The following CYP19A1 variants were observed in gnomAD, a reference collection of about 807,000 sequenced individuals.
CYP19A1 encodes the protein cytochrome P450 family 19 subfamily A member 1.
A neutral mutation model predicts 44.4 loss-of-function variants in CYP19A1; 32 were observed. The ratio of observed to expected loss-of-function variants is 0.72; its 90% CI spans 0.54 to 0.97. CYP19A1 has a LOEUF of 0.97. CYP19A1 is among the 50% of genes least tolerant of loss of function. The probability of loss-of-function intolerance (pLI) is 0.00; values close to 1 mark genes in which losing one functional copy is unlikely to be tolerated. For missense variants in CYP19A1, 598 were observed against 637.8 expected (o/e 0.94, Z 0.67); for synonymous variants, 212 against 215.6 (o/e 0.98, Z 0.14).
chr15:51,237,866 T>C (rs1043593083), intron 2 of CYP19A1, among the ~76,000 whole-genome samples: 1 of 152,262 alleles, frequency 6.6e-6, no homozygotes, highest in East Asian at 1.9e-4. Flanking sequence ...TAAAAAGTTT[T>C]AGAATGTTTT....
In CYP19A1 at chr15:51,330,366, G is replaced by A. The variant is rs186709394; in HGVS notation, c.-39+8129C>T. On this transcript the variant is annotated intron_variant, in intron 1 of 9. Transcript: ENST00000396402. ...AGAAAGGAAGAGGAGGAGAGAAGGGGCATAAGAAATGTCAAGTGAGGAAAG... is the reference window on the plus strand; with the variant it reads ...AGAAAGGAAGAGGAGGAGAGAAGGGACATAAGAAATGTCAAGTGAGGAAAG... Among the ~76,000 whole-genome samples the A allele has an allele frequency of 1.4e-3, 214 of 152,108 alleles. 2 individuals are homozygous for A. Among genetic ancestry groups the A allele is most frequent in the African/African-American group, 4.7e-3 (195 of 41,486 alleles).
chr15:51,287,323 C>A (rs1291540528), intron 1 of CYP19A1, among the ~76,000 whole-genome samples: 2 of 152,176 alleles, frequency 1.3e-5, no homozygotes, highest in Non-Finnish European at 2.9e-5. Context: ...GCGGGGTTCA[C>A]CCTATTGTCT....
intron 6 of CYP19A1, 44 bp downstream of exon 6, chr15:51,218,497 C>T (rs59196885): frequency 1.3e-6 from 2 of 1,577,742 alleles, no homozygotes; most frequent in Non-Finnish European, 8.6e-7. Context: ...GGAAAAAAAC[C>T]AATCCAATTG....
At chr15:51,220,945 T>G (rs1323866086) in intron 5 of CYP19A1, among the ~76,000 whole-genome samples, 1 of 151,912 alleles carries the variant, frequency 6.6e-6, no homozygotes, top group Non-Finnish European at 1.5e-5. Context: ...TAATGTTTGT[T>G]TTTTGGTGGT....
chr15:51,233,665 T>C (rs779244458), intron 3 of CYP19A1, among the ~76,000 whole-genome samples: 9 of 152,232 alleles, frequency 5.9e-5, no homozygotes, highest in Non-Finnish European at 8.8e-5. Context: ...AATATAACCC[T>C]AATTAGTATG....
intron 3 of CYP19A1, among the ~76,000 whole-genome samples, chr15:51,229,487 T>C (rs1161247953): frequency 1.3e-5 from 2 of 151,928 alleles, no homozygotes; most frequent in Non-Finnish European, 2.9e-5. Flanking sequence ...TATTAAATAT[T>C]CTCTTGATCT....
intron 2 of CYP19A1, among the ~76,000 whole-genome samples, 161 bp downstream of exon 2, chr15:51,242,607 C>T (rs1358102137): frequency 6.6e-6 from 1 of 152,120 alleles, no homozygotes; most frequent in Admixed American, 6.5e-5. Context: ...GATAATTGGT[C>T]TGAAAATTTT....
At chr15:51,235,122 TAA>T (rs2033305632) in intron 3 of CYP19A1, among the ~76,000 whole-genome samples, 1 of 152,198 alleles carries the variant, frequency 6.6e-6, no homozygotes, top group Non-Finnish European at 1.5e-5. Context: ...TAGCCAGTTG[TAA>T]AAGTGACTCA....
At chr15:51,325,895 T>C (rs1350864623) in intron 1 of CYP19A1, among the ~76,000 whole-genome samples, 1 of 139,046 alleles carries the variant, frequency 7.2e-6, no homozygotes, top group East Asian at 2.2e-4. Flanking sequence ...CTACCAAATA[T>C]CATAGCTTAG....
chr15:51,319,848 A>G (rs1054946418), intron 1 of CYP19A1, among the ~76,000 whole-genome samples: 19 of 151,676 alleles, frequency 1.3e-4, no homozygotes, highest in African/African-American at 3.9e-4. Flanking sequence ...GGTGATCTCT[A>G]TCAGGTCATT....
At chr15:51,270,064 G>A (rs927941520) in intron 1 of CYP19A1, among the ~76,000 whole-genome samples, 3 of 152,236 alleles carry the variant, frequency 2.0e-5, no homozygotes, top group South Asian at 2.1e-4. Flanking sequence ...AATTATCCAC[G>A]AACGTGATAT....
chr15:51,331,907 T>C (rs573508335), intron 1 of CYP19A1, among the ~76,000 whole-genome samples: 1 of 152,016 alleles, frequency 6.6e-6, no homozygotes, highest in East Asian at 1.9e-4. Context: ...TGTTTATTTC[T>C]TGTATGTGTG....
At chr15:51,327,637 G>A (rs553863160) in intron 1 of CYP19A1, among the ~76,000 whole-genome samples, 201 of 152,216 alleles carry the variant, frequency 1.3e-3, no homozygotes, top group African/African-American at 4.6e-3. Flanking sequence ...GTCCCTTGGG[G>A]CCAGGCTCAG....
chr15:51,267,332 C>T (rs1462317467), intron 1 of CYP19A1, among the ~76,000 whole-genome samples: 1 of 152,136 alleles, frequency 6.6e-6, no homozygotes, highest in Non-Finnish European at 1.5e-5. Context: ...AAAATAAAAA[C>T]GCGGGGCCCC....
chr15:51,257,356 G>T lies in CYP19A1; in HGVS notation c.-38-14406C>A, dbSNP rs142498277. On this transcript the variant is annotated intron_variant, in intron 1 of 9. Coordinates refer to ENST00000396402, the MANE Select transcript of CYP19A1 (RefSeq NM_000103.4). ...CCCCAATTCGCTACACTTCTGGGTT[G>T]GAAGTAATAGCAGGCCTAGGTAGGC... 1.7e-3 allele frequency among the ~76,000 whole-genome samples: 255 copies of T among 152,318 alleles called. 2 individuals are homozygous for T. Among genetic ancestry groups the T allele is most frequent in the Non-Finnish European group, 2.2e-3 (150 of 68,028 alleles).
chr15:51,252,608 G>T (rs1341776561), intron 1 of CYP19A1, among the ~76,000 whole-genome samples: 1 of 152,166 alleles, frequency 6.6e-6, no homozygotes, highest in African/African-American at 2.4e-5. Context: ...CCATCTGTGG[G>T]CCCTCAGACT....
intron 1 of CYP19A1, among the ~76,000 whole-genome samples, chr15:51,311,430 A>T (rs2036308422): frequency 6.6e-6 from 1 of 152,040 alleles, no homozygotes; most frequent in African/African-American, 2.4e-5. Flanking sequence ...AATGTGAAAG[A>T]TAGAAAAGTG....
chr15:51,305,045 G>A (rs1008756745), intron 1 of CYP19A1, among the ~76,000 whole-genome samples: 13 of 151,520 alleles, frequency 8.6e-5, no homozygotes, highest in Non-Finnish European at 7.4e-5. Flanking sequence ...CATTACAGGC[G>A]CCTGCCACCA....
At chr15:51,285,869 A>C (rs1034502690) in intron 1 of CYP19A1, among the ~76,000 whole-genome samples, 9 of 151,528 alleles carry the variant, frequency 5.9e-5, no homozygotes, top group Admixed American at 5.3e-4. Context: ...CATTCCTTTG[A>C]CTCCGCCAGA....
Sources: allele counts gnomAD v4.1 joint callset (sites outside exome capture counted in the v4.1 genomes callset), GRCh38; gene constraint gnomAD v4.1.1; transcripts MANE v1.5; gene names NCBI Gene and HGNC (gene_info 2026-07-23, HGNC 2026-07-21).